Variants in CFAP299 observed in about 807,000 individuals in gnomAD.
CFAP299 encodes the protein cilia- and flagella-associated protein 299.
Under a neutral mutation model 27.0 loss-of-function variants are expected in CFAP299, and 21 were observed. The observed-to-expected ratio is 0.78, with a 90% confidence interval of 0.55 to 1.12. The LOEUF (loss-of-function observed/expected upper bound fraction) is 1.12, where lower values mean the gene tolerates loss of function less well. Among genes scored for constraint, CFAP299 ranks in the 50% most tolerant of loss-of-function variants. CFAP299 has a pLI of 0.00. For missense variants in CFAP299, 310 were observed against 276.6 expected (o/e 1.12, Z -0.86); for synonymous variants, 104 against 98.1 (o/e 1.06, Z -0.36).
chr4:80,504,771 G>C (rs1731931984), intron 2 of CFAP299, among the ~76,000 whole-genome samples: 1 of 147,876 alleles, frequency 6.8e-6, no homozygotes, highest in Non-Finnish European at 1.5e-5. Flanking sequence ...GTAGCATGTG[G>C]TTACCAAGGC....
chr4:80,924,185 T>C (rs558069297), intron 4 of CFAP299, among the ~76,000 whole-genome samples: 14 of 152,102 alleles, frequency 9.2e-5, no homozygotes, highest in African/African-American at 2.6e-4. Flanking sequence ...TCTAAATAAA[T>C]ACACTAGGCA....
intron 4 of CFAP299, among the ~76,000 whole-genome samples, chr4:80,905,140 T>G (rs1362240276): frequency 6.6e-6 from 1 of 152,188 alleles, no homozygotes; most frequent in Non-Finnish European, 1.5e-5. Context: ...TTTATTGAAT[T>G]TGGAAAAAAC....
chr4:80,947,307 G>T (rs1737526714), intron 5 of CFAP299, among the ~76,000 whole-genome samples: 1 of 152,220 alleles, frequency 6.6e-6, no homozygotes, highest in South Asian at 2.1e-4. Flanking sequence ...ACAACATTTG[G>T]ATACGTATAT....
At chr4:80,864,546 G>GTATATATATATATATATA (rs578121857) in intron 3 of CFAP299, among the ~76,000 whole-genome samples, 1 of 144,408 alleles carries the variant, frequency 6.9e-6, no homozygotes, top group African/African-American at 2.5e-5. Flanking sequence ...GTATATATAG[G>GTATATATATATATATATA]TATATATATA....
intron 2 of CFAP299, among the ~76,000 whole-genome samples, chr4:80,383,845 C>A (rs988103050): frequency 2.0e-5 from 3 of 146,974 alleles, no homozygotes; most frequent in African/African-American, 7.3e-5. Context: ...TTTTATCTAT[C>A]TGTTTTTTTT....
intron 2 of CFAP299, among the ~76,000 whole-genome samples, chr4:80,474,514 G>C (rs1030100132): frequency 6.6e-6 from 1 of 152,098 alleles, no homozygotes; most frequent in Admixed American, 6.5e-5. Flanking sequence ...CCCCAGCTGG[G>C]ACTTTAAGAT....
intron 3 of CFAP299, among the ~76,000 whole-genome samples, chr4:80,588,825 G>C (rs940069409): frequency 1.3e-5 from 2 of 152,102 alleles, no homozygotes; most frequent in African/African-American, 4.8e-5. Context: ...TTTTTCATAA[G>C]TGCTTTATAT....
At position 80,592,791 on chromosome 4, in the gene CFAP299, G is replaced by A. The variant is rs550442502; in HGVS notation, c.333+9608G>A. 3.3e-4 allele frequency among the ~76,000 whole-genome samples: 51 copies of A among 152,260 alleles called. No homozygotes were observed. The East Asian group carries it at 8.3e-3, about 25-fold the overall frequency. On this transcript the variant is annotated intron_variant, in intron 3 of 5. Coordinates refer to ENST00000358105, the MANE Select transcript of CFAP299 (RefSeq NM_152770.3). ...TAATTTAGTGTTTTTGCTATTAGGA[G>A]AAAATTACGTTGCATAATATTTGAA...
At chr4:80,490,264 C>T (rs1210800660) in intron 2 of CFAP299, among the ~76,000 whole-genome samples, 1 of 152,098 alleles carries the variant, frequency 6.6e-6, no homozygotes, top group African/African-American at 2.4e-5. Context: ...CTAGGTGCTG[C>T]TTTAGTGCAG....
At chr4:80,806,315 C>T (rs1728864406) in intron 3 of CFAP299, among the ~76,000 whole-genome samples, 1 of 152,138 alleles carries the variant, frequency 6.6e-6, no homozygotes, top group Non-Finnish European at 1.5e-5. Context: ...TGTTACCAAA[C>T]ATCAAGCCAT....
chr4:80,895,006 G>T (rs749522444), intron 4 of CFAP299, among the ~76,000 whole-genome samples: 1 of 151,936 alleles, frequency 6.6e-6, no homozygotes, highest in East Asian at 1.9e-4. Context: ...CATTAAGGGA[G>T]TTCAGGGGCA....
At chr4:80,661,140 A>G (rs1342792880) in intron 3 of CFAP299, among the ~76,000 whole-genome samples, 12 of 152,052 alleles carry the variant, frequency 7.9e-5, no homozygotes, top group Admixed American at 7.2e-4. Flanking sequence ...AGCCTGACCA[A>G]TATGGCAAAA....
chr4:80,801,078 C>T (rs924297570), intron 3 of CFAP299, among the ~76,000 whole-genome samples: 1 of 151,678 alleles, frequency 6.6e-6, no homozygotes, highest in African/African-American at 2.4e-5. Context: ...CCCACTGACT[C>T]AAATGTTAAT....
At chr4:80,434,612 C>G (rs900883838) in intron 2 of CFAP299, among the ~76,000 whole-genome samples, 1 of 152,142 alleles carries the variant, frequency 6.6e-6, no homozygotes, top group African/African-American at 2.4e-5. Flanking sequence ...CCTGGACTAC[C>G]ATTTTCAGAA....
intron 2 of CFAP299, among the ~76,000 whole-genome samples, chr4:80,503,020 A>G (rs918735286): frequency 1.3e-5 from 2 of 152,170 alleles, no homozygotes. Context: ...TGAGGTGGAA[A>G]TTGAAGGCAG....
chr4:80,944,975 C>T lies in CFAP299; in HGVS notation c.606+36C>T. ...TTTTACACTTAGTTAGTTACCTCTT[C>T]ACATGTTATTGTATTTCTGCCACTA... On this transcript the variant is annotated intron_variant, in intron 5 of 5. Coordinates refer to ENST00000358105, the MANE Select transcript of CFAP299 (RefSeq NM_152770.3). 1.9e-6 allele frequency: 3 copies of T among 1,575,440 alleles called. No homozygotes were observed. The African/African-American group carries it at 4.1e-5, about 21-fold the overall frequency.
chr4:80,718,375 A>G (rs1336449916), intron 3 of CFAP299, among the ~76,000 whole-genome samples: 1 of 152,098 alleles, frequency 6.6e-6, no homozygotes, highest in Non-Finnish European at 1.5e-5. Flanking sequence ...CTACAGAAGT[A>G]GGAGAAAGGA....
intron 2 of CFAP299, among the ~76,000 whole-genome samples, chr4:80,408,553 C>T (rs898990101): frequency 6.6e-6 from 1 of 151,724 alleles, no homozygotes; most frequent in African/African-American, 2.4e-5. Flanking sequence ...CAAGTAGTTT[C>T]TCCCAGTTGG....
At chr4:80,943,241 T>A (rs1737287308) in intron 4 of CFAP299, among the ~76,000 whole-genome samples, 1 of 152,158 alleles carries the variant, frequency 6.6e-6, no homozygotes, top group Non-Finnish European at 1.5e-5. Context: ...GAAAAGGTAG[T>A]AGGGAAAGAA....
Sources: allele counts gnomAD v4.1 joint callset (sites outside exome capture counted in the v4.1 genomes callset), GRCh38; gene constraint gnomAD v4.1.1; transcripts MANE v1.5; gene names NCBI Gene and HGNC (gene_info 2026-07-23, HGNC 2026-07-21).